The following VPS13A variants were observed in gnomAD, a reference collection of about 807,000 sequenced individuals.
The protein encoded by VPS13A is vacuolar protein sorting 13 homolog A.
Under a neutral mutation model 390.9 loss-of-function variants are expected in VPS13A, and 264 were observed. The ratio of observed to expected loss-of-function variants is 0.68; its 90% CI spans 0.61 to 0.75. The LOEUF (loss-of-function observed/expected upper bound fraction) is 0.75. Among genes scored for constraint, VPS13A ranks in the 30% least tolerant of loss-of-function variants. VPS13A has a pLI of 0.00. For synonymous variants in VPS13A, 1,231 were observed against 1,227.1 expected (o/e 1.00, Z -0.07); for missense variants, 3,409 against 3,733.9 (o/e 0.91, Z 2.27).
At chr9:77,329,450 C>A (rs1024222213) in intron 45 of VPS13A, among the ~76,000 whole-genome samples, 11 of 151,978 alleles carry the variant, frequency 7.2e-5, no homozygotes, top group African/African-American at 2.7e-4. Context: ...TTGAAAGAGG[C>A]CATTGGAGGG....
intron 11 of VPS13A, 58 bp downstream of exon 11, chr9:77,220,139 A>T (rs1260809046): frequency 6.5e-7 from 1 of 1,550,164 alleles, no homozygotes; most frequent in Non-Finnish European, 8.8e-7. Flanking sequence ...AAGCAAAACT[A>T]AGATTTTAAA....
intron 1 of VPS13A, among the ~76,000 whole-genome samples, chr9:77,188,043 G>A (rs750996479): frequency 6.6e-6 from 1 of 152,136 alleles, no homozygotes; most frequent in Non-Finnish European, 1.5e-5. Context: ...TCATGGCTTG[G>A]TGCTGTCCTT....
Position 77,246,950 on chromosome 9 carries a change from AG to A in VPS13A, c.1901-308del, listed in dbSNP as rs142380423. Among the ~76,000 whole-genome samples, 702 of 152,268 alleles carry A rather than the reference AG, an allele frequency of 4.6e-3. 7 individuals are homozygous for A. Among genetic ancestry groups the A allele is most frequent in the Non-Finnish European group, 7.5e-3 (508 of 67,994 alleles). Reference sequence around the variant, plus strand: ...TATGTAGATTCTAAGAGTTGTTGTGAGTAAATATTTTATGCCACTGAAACTT... The same window carrying A: ...TATGTAGATTCTAAGAGTTGTTGTGATAAATATTTTATGCCACTGAAACTT... On this transcript the variant is annotated intron_variant, in intron 19 of 71. Coordinates refer to ENST00000360280, the MANE Select transcript of VPS13A (RefSeq NM_033305.3).
At chr9:77,207,212 AT>A (rs1396822617) in intron 5 of VPS13A, among the ~76,000 whole-genome samples, 1 of 28,880 alleles carries the variant, frequency 3.5e-5, no homozygotes, top group Non-Finnish European at 8.5e-5. Context: ...TTATTTAGAT[AT>A]TATATATATA....
chr9:77,320,431 G>C (rs965348711), intron 42 of VPS13A, among the ~76,000 whole-genome samples: 2 of 152,042 alleles, frequency 1.3e-5, no homozygotes, highest in Admixed American at 1.3e-4. Flanking sequence ...GAGAATCGGG[G>C]CCTTTAGGTG....
intron 17 of VPS13A, among the ~76,000 whole-genome samples, chr9:77,233,239 T>C (rs1327406521): frequency 1.3e-5 from 2 of 152,134 alleles, no homozygotes; most frequent in Admixed American, 6.5e-5. Flanking sequence ...TCCTCTATGG[T>C]GTGTCATAAT....
intron 55 of VPS13A, among the ~76,000 whole-genome samples, chr9:77,357,338 A>AG (rs1042896416): frequency 4.8e-5 from 7 of 147,078 alleles, no homozygotes; most frequent in African/African-American, 1.7e-4. Flanking sequence ...AAAAAAAAAA[A>AG]AAAAGAAAAG....
chr9:77,381,917 A>G, intron 67 of VPS13A, 59 bp from the exon 68 acceptor site: 1 of 1,099,106 alleles, frequency 9.1e-7, no homozygotes, highest in East Asian at 2.6e-5. Context: ...TGCATTTTAT[A>G]GTTTATTTAC....
chr9:77,348,336 C>T (rs1831274612), intron 52 of VPS13A, among the ~76,000 whole-genome samples: 1 of 152,072 alleles, frequency 6.6e-6, no homozygotes. Context: ...ATGGATGGAG[C>T]TAGAAGCTAT....
intron 23 of VPS13A, 64 bp downstream of exon 23, chr9:77,260,288 C>A: frequency 1.3e-6 from 2 of 1,484,890 alleles, no homozygotes; most frequent in South Asian, 1.2e-5. Context: ...GTATTTCAAA[C>A]AATCACAGGA....
At chr9:77,220,462 C>A in intron 12 of VPS13A, 79 bp downstream of exon 12, 1 of 983,926 alleles carries the variant, frequency 1.0e-6, no homozygotes. Context: ...CAAGAATAAT[C>A]TTTAAGATAT....
In VPS13A at chr9:77,213,097, A is replaced by G. The variant is rs1485749707; in HGVS notation, c.615+69A>G. 6 of 1,573,952 alleles carry G rather than the reference A, an allele frequency of 3.8e-6. No individual in the cohort carries two copies. The African/African-American group carries it at 8.1e-5, about 21-fold the overall frequency. ...TTTGGAAAGCCAAATGATAATATAT[A>G]GATAAGGATGTATGTGAATTTTGCT... On this transcript the variant is annotated intron_variant, in intron 8 of 71. Coordinates refer to ENST00000360280, the MANE Select transcript of VPS13A (RefSeq NM_033305.3).
At chr9:77,400,222 G>GTTTTTTTTTTTTTTTTTTTTTTTT (rs1834313781) in intron 68 of VPS13A, among the ~76,000 whole-genome samples, 1 of 84,612 alleles carries the variant, frequency 1.2e-5, no homozygotes, top group African/African-American at 5.7e-5. Context: ...TTATCAGTCA[G>GTTTTTTTTTTTTTTTTTTTTTTTT]ATTTTTTTTT....
At chr9:77,306,136 A>C (rs1010652784) in intron 34 of VPS13A, among the ~76,000 whole-genome samples, 3 of 152,180 alleles carry the variant, frequency 2.0e-5, no homozygotes, top group East Asian at 1.9e-4. Context: ...CTTAAAAAAA[A>C]CCCCAAACAT....
At chr9:77,291,880 G>A (rs1232194917) in intron 31 of VPS13A, among the ~76,000 whole-genome samples, 5 of 152,232 alleles carry the variant, frequency 3.3e-5, no homozygotes, top group Non-Finnish European at 7.4e-5. Flanking sequence ...GATATCTCTC[G>A]TATTTCCTAT....
intron 31 of VPS13A, among the ~76,000 whole-genome samples, chr9:77,293,074 T>TA (rs141118682): frequency 3.3e-4 from 48 of 146,160 alleles, no homozygotes; most frequent in South Asian, 4.3e-4. Flanking sequence ...TCTTCTCCAT[T>TA]AAAAAAAAAA....
intron 23 of VPS13A, among the ~76,000 whole-genome samples, chr9:77,267,343 G>A (rs1233659115): frequency 6.6e-6 from 1 of 152,138 alleles, no homozygotes; most frequent in African/African-American, 2.4e-5. Flanking sequence ...TTCGGATGGG[G>A]TTTCTGTGTG....
chr9:77,397,071 C>G (rs1449483859), intron 68 of VPS13A, among the ~76,000 whole-genome samples: 1 of 152,210 alleles, frequency 6.6e-6, no homozygotes, highest in Non-Finnish European at 1.5e-5. Context: ...TCACTGCAAC[C>G]TCTGCCTCCT....
chr9:77,337,605 T>A, intron 47 of VPS13A, 68 bp downstream of exon 47: 2 of 1,495,460 alleles, frequency 1.3e-6, no homozygotes, highest in Non-Finnish European at 1.8e-6. Flanking sequence ...AAGATTAAGA[T>A]CAATAAAAAC....
Sources: gnomAD v4.1 joint callset for allele counts (sites outside exome capture counted in the v4.1 genomes callset) on GRCh38, gnomAD v4.1.1 for gene constraint, MANE v1.5 for transcripts, NCBI Gene and HGNC (gene_info 2026-07-23, HGNC 2026-07-21) for gene names.